The following RAVER2 variants were observed in gnomAD, a reference collection of about 807,000 sequenced individuals.
RAVER2 encodes the protein ribonucleoprotein PTB-binding 2.
A neutral mutation model predicts 78.1 loss-of-function variants in RAVER2; 46 were observed. The observed-to-expected ratio is 0.59, with a 90% CI of 0.46 to 0.75. The LOEUF is 0.75. Ranked by LOEUF, RAVER2 falls within the 30% of genes least tolerant of loss-of-function variation. RAVER2 has a pLI of 0.00. For missense variants in RAVER2, 793 were observed against 837.5 expected, an observed-to-expected ratio of 0.95 and a Z score of 0.66; for synonymous variants, 311 against 313.3, an observed-to-expected ratio of 0.99 and a Z score of 0.08.
intron 4 of RAVER2, among the ~76,000 whole-genome samples, chr1:64,782,893 G>C (rs2483615): frequency 0.48 from 73,643 of 151,848 alleles, 20,553 homozygotes; most frequent in African/African-American, 0.78. Flanking sequence ...CCCCTACCCC[G>C]CGACAGGCCC....
At chr1:64,784,298 G>T (rs1557593233) in intron 4 of RAVER2, among the ~76,000 whole-genome samples, 1 of 152,130 alleles carries the variant, frequency 6.6e-6, no homozygotes, top group Non-Finnish European at 1.5e-5. Context: ...AATAACCCGA[G>T]CCCAGGAGTT....
intron 3 of RAVER2, among the ~76,000 whole-genome samples, chr1:64,780,720 T>C (rs1444402618): frequency 1.3e-5 from 2 of 152,200 alleles, no homozygotes; most frequent in East Asian, 1.9e-4. Flanking sequence ...TCTTTTCAGA[T>C]CCAGGACTTT....
chr1:64,773,001 A>T (rs1652361708), intron 2 of RAVER2, among the ~76,000 whole-genome samples: 1 of 152,026 alleles, frequency 6.6e-6, no homozygotes, highest in Non-Finnish European at 1.5e-5. Flanking sequence ...AGAAAGGATT[A>T]AAAAAAGAAA....
At chr1:64,776,844 G>A (rs1652477392) in intron 2 of RAVER2, among the ~76,000 whole-genome samples, 1 of 152,106 alleles carries the variant, frequency 6.6e-6, no homozygotes. Flanking sequence ...CATTGATTTA[G>A]AATGTTATAT....
intron 11 of RAVER2, among the ~76,000 whole-genome samples, chr1:64,822,340 AAG>A (rs1045159397): frequency 6.6e-6 from 1 of 152,214 alleles, no homozygotes; most frequent in African/African-American, 2.4e-5. Context: ...AATATCAATA[AAG>A]AGAGAGAAAT....
chr1:64,777,636 A>G (rs760724258), exon 3 of RAVER2: 1 of 1,608,206 alleles, frequency 6.2e-7, no homozygotes, highest in South Asian at 1.1e-5. Flanking sequence ...TTGTTACCTT[A>G]TTGAATGGGG....
At chr1:64,818,985 A>C (rs1653820224) in intron 11 of RAVER2, among the ~76,000 whole-genome samples, 1 of 152,220 alleles carries the variant, frequency 6.6e-6, no homozygotes, top group Admixed American at 6.5e-5. Context: ...GAGGAGACAG[A>C]GTTTGGAATT....
At chr1:64,789,483 G>A in exon 5 of RAVER2, 1 of 1,608,244 alleles carries the variant, frequency 6.2e-7, no homozygotes, top group Non-Finnish European at 8.5e-7. Context: ...TTCTTCTACA[G>A]CCCCAGTTAT....
chr1:64,828,327 C>T (rs1654047023), intron 11 of RAVER2, among the ~76,000 whole-genome samples: 2 of 152,236 alleles, frequency 1.3e-5, no homozygotes, highest in Middle Eastern at 3.4e-3. Context: ...TTTCATTCAT[C>T]CAGGTAAACC....
rs368773159 is a variant in RAVER2, at chr1:64,821,079, A to G, written c.1929+6239A>G. Among the ~76,000 whole-genome samples, 21 of 152,212 alleles carry G rather than the reference A, an allele frequency of 1.4e-4. No individual in the cohort carries two copies. The East Asian group carries it at 2.9e-3, about 21-fold the overall frequency. On this transcript the variant is annotated intron_variant, in intron 11 of 11. Transcript: ENST00000294428. ...CCTCGCCAGCATCTGCTATTTTTTG[A>G]CATTTTAATAACGGCCAATTCTGAT...
chr1:64,750,440 T>C (rs1160763342), intron 1 of RAVER2, among the ~76,000 whole-genome samples: 1 of 151,960 alleles, frequency 6.6e-6, no homozygotes, highest in Non-Finnish European at 1.5e-5. Flanking sequence ...ATCTGAGAAG[T>C]TGGGACCATA....
rs146211898 is a variant in RAVER2, at chr1:64,830,323, C to T, written c.1930-516C>T. On this transcript the variant is annotated intron_variant, in intron 11 of 11. Coordinates refer to ENST00000294428, the Ensembl canonical transcript of RAVER2. ...CAGGCGATTATTGTGGAGACCAAAG[C>T]TCTGAGTTTCCCATTGCTCTCTAGA... 3.0e-4 allele frequency among the ~76,000 whole-genome samples: 45 copies of T among 152,316 alleles called. 1 individual carries two copies. The East Asian group carries it at 7.7e-3, about 26-fold the overall frequency.
chr1:64,777,649 C>T lies in RAVER2; in HGVS notation c.343C>T (p.Gln115Ter). The change falls in exon 3 of 12, where the codon CAA (glutamine) becomes TAA (stop). Residue 115 changes from glutamine (Q) to a stop codon, truncating the protein, a stop_gained. Coordinates refer to ENST00000294428, the Ensembl canonical transcript of RAVER2. LOFTEE classifies it high-confidence loss of function. ...TTTTGTTACCTTATTGAATGGGGAACAAGCCCAGAACGCAATTCAGATGTT... is the reference window on the plus strand; with the variant it reads ...TTTTGTTACCTTATTGAATGGGGAATAAGCCCAGAACGCAATTCAGATGTT... The T allele has an allele frequency of 6.2e-7, 1 of 1,612,460 alleles. No homozygotes were observed. Among genetic ancestry groups the T allele is most frequent in the Non-Finnish European group, 8.5e-7 (1 of 1,179,124 alleles).
At chr1:64,783,094 T>C (rs1005136159) in intron 4 of RAVER2, among the ~76,000 whole-genome samples, 3 of 152,320 alleles carry the variant, frequency 2.0e-5, no homozygotes, top group African/African-American at 7.2e-5. Flanking sequence ...TATTCCATGG[T>C]GTATATGTGC....
intron 3 of RAVER2, among the ~76,000 whole-genome samples, chr1:64,779,491 C>T (rs565664630): frequency 6.6e-6 from 1 of 152,102 alleles, no homozygotes; most frequent in South Asian, 2.1e-4. Flanking sequence ...GTCTCAGCCT[C>T]CCAAGTAGCT....
intron 11 of RAVER2, among the ~76,000 whole-genome samples, chr1:64,817,509 T>C (rs908189775): frequency 1.3e-5 from 2 of 151,964 alleles, no homozygotes; most frequent in African/African-American, 2.4e-5. Flanking sequence ...AACCCAAACG[T>C]CCATCAGTGA....
At position 64,805,767 on chromosome 1, in the gene RAVER2, C is replaced by T. The variant is rs116059758; in HGVS notation, c.1411+662C>T. 3.1e-3 allele frequency among the ~76,000 whole-genome samples: 470 copies of T among 152,168 alleles called. 1 individual carries two copies. Among genetic ancestry groups the T allele is most frequent in the African/African-American group, 0.011 (438 of 41,508 alleles). On this transcript the variant is annotated intron_variant, in intron 8 of 11. Coordinates refer to ENST00000294428, the Ensembl canonical transcript of RAVER2. ...TTTAAAAAAAAGTCAATTAAATATG[C>T]GTAGCTTACTTAACCTTTTGTCCAG...
chr1:64,794,073 G>A (rs1179207499), intron 5 of RAVER2, among the ~76,000 whole-genome samples: 1 of 151,986 alleles, frequency 6.6e-6, no homozygotes. Flanking sequence ...ACTATCTGTG[G>A]AATGGCTGAG....
intron 9 of RAVER2, among the ~76,000 whole-genome samples, chr1:64,808,456 CTTT>C (rs71584460): frequency 9.7e-6 from 1 of 103,160 alleles, no homozygotes; most frequent in South Asian, 3.2e-4. Flanking sequence ...TAATGCAGTC[CTTT>C]TTTTTTTTTT....
Sources: allele counts gnomAD v4.1 joint callset (sites outside exome capture counted in the v4.1 genomes callset), GRCh38; gene constraint gnomAD v4.1.1; transcripts MANE v1.5; gene names NCBI Gene and HGNC (gene_info 2026-07-23, HGNC 2026-07-21).